HS3ST5: variants seen among roughly 807,000 people sequenced by gnomAD.
HS3ST5 encodes heparan sulfate-glucosamine 3-sulfotransferase 5.
HS3ST5 carries 10 observed loss-of-function variants against 25.4 expected under a neutral mutation model. That is an observed-to-expected ratio of 0.39 (90% CI 0.24 to 0.67). The LOEUF is 0.67. Ranked by LOEUF, HS3ST5 falls within the 30% of genes least tolerant of loss-of-function variation. HS3ST5 has a pLI of 0.44. For synonymous variants in HS3ST5, 170 were observed against 162.4 expected (o/e 1.05, Z -0.36); for missense variants, 324 against 420.7 (o/e 0.77, Z 2.01).
chr6:114,321,852 A>C (rs1049470410), intron 1 of HS3ST5, among the ~76,000 whole-genome samples: 24 of 152,132 alleles, frequency 1.6e-4, no homozygotes, highest in African/African-American at 5.1e-4. Flanking sequence ...GGTAAAGAAA[A>C]AACAGGCTAG....
At chr6:114,150,795 A>G (rs1168871689) in intron 3 of HS3ST5, among the ~76,000 whole-genome samples, 4 of 152,242 alleles carry the variant, frequency 2.6e-5, no homozygotes, top group Admixed American at 6.5e-5. Flanking sequence ...ATATTTATTT[A>G]TTCACTGCAA....
At chr6:114,141,789 G>A (rs922462253) in intron 3 of HS3ST5, among the ~76,000 whole-genome samples, 3 of 151,890 alleles carry the variant, frequency 2.0e-5, no homozygotes, top group African/African-American at 7.3e-5. Context: ...ACAGACATGG[G>A]CTTGGGACTG....
intron 3 of HS3ST5, among the ~76,000 whole-genome samples, chr6:114,098,670 C>T (rs567217207): frequency 6.6e-6 from 1 of 151,320 alleles, no homozygotes; most frequent in South Asian, 2.1e-4. Context: ...CTATATAAAC[C>T]GTAAGAAGAA....
chr6:114,207,982 C>T (rs1001560624), intron 2 of HS3ST5, among the ~76,000 whole-genome samples: 1 of 152,120 alleles, frequency 6.6e-6, no homozygotes, highest in Non-Finnish European at 1.5e-5. Context: ...CCATGTCTTA[C>T]TACAGTATAG....
At chr6:114,108,561 A>C (rs1002060628) in intron 3 of HS3ST5, among the ~76,000 whole-genome samples, 2 of 152,068 alleles carry the variant, frequency 1.3e-5, no homozygotes, top group African/African-American at 2.4e-5. Context: ...CTCTGGTAAT[A>C]TCTCTCCGGC....
At chr6:114,332,183 G>A (rs1042991032) in intron 1 of HS3ST5, among the ~76,000 whole-genome samples, 1 of 152,124 alleles carries the variant, frequency 6.6e-6, no homozygotes, top group African/African-American at 2.4e-5. Context: ...TTGACAGATG[G>A]ATGCTTACTT....
intron 3 of HS3ST5, among the ~76,000 whole-genome samples, chr6:114,137,146 C>T (rs1017243350): frequency 2.0e-5 from 3 of 152,074 alleles, no homozygotes; most frequent in African/African-American, 7.2e-5. Context: ...AAAGTGGAAA[C>T]CTGAGAATTA....
rs17076011 is a variant in HS3ST5 at position 114,275,430 on chromosome 6, T to G, written c.-338-46652A>C. 5.3e-4 allele frequency among the ~76,000 whole-genome samples: 81 copies of G among 152,056 alleles called. No homozygotes were observed. The East Asian group carries it at 0.014, about 26-fold the overall frequency. ...TTAACACCTTCTTGTATATATTTTATGCTTACAATACATACAGAAACTGTG... is the reference window on the plus strand; with the variant it reads ...TTAACACCTTCTTGTATATATTTTAGGCTTACAATACATACAGAAACTGTG... On this transcript the variant is annotated intron_variant, in intron 1 of 4. Coordinates refer to ENST00000312719, the MANE Select transcript of HS3ST5 (RefSeq NM_153612.4).
At chr6:114,141,278 A>C (rs896629177) in intron 3 of HS3ST5, among the ~76,000 whole-genome samples, 1 of 152,236 alleles carries the variant, frequency 6.6e-6, no homozygotes, top group Non-Finnish European at 1.5e-5. Context: ...TGGATGGCTA[A>C]AAACAGTCCA....
chr6:114,337,831 C>T lies in HS3ST5; in HGVS notation c.-339+4364G>A, dbSNP rs113163574. ...AGAGTAGACTACCTGGACTCAAATG[C>T]CAATTCTGCCATATAGTAGCTGCAG... On this transcript the variant is annotated intron_variant, in intron 1 of 4. Coordinates refer to ENST00000312719, the MANE Select transcript of HS3ST5 (RefSeq NM_153612.4). Among the ~76,000 whole-genome samples the T allele has an allele frequency of 1.7e-3, 259 of 152,188 alleles. 2 individuals are homozygous for T. Among genetic ancestry groups the T allele is most frequent in the African/African-American group, 6.1e-3 (252 of 41,548 alleles).
intron 1 of HS3ST5, among the ~76,000 whole-genome samples, chr6:114,264,442 C>T (rs371911040): frequency 6.6e-6 from 1 of 152,166 alleles, no homozygotes; most frequent in East Asian, 1.9e-4. Flanking sequence ...GAGCAAATTT[C>T]TTCAACATTC....
chr6:114,097,707 A>AG (rs1236899223), intron 3 of HS3ST5, among the ~76,000 whole-genome samples: 2 of 36,324 alleles, frequency 5.5e-5, no homozygotes, highest in Non-Finnish European at 1.5e-4. Flanking sequence ...GGGAATGAGA[A>AG]AAGAAGGTAA....
chr6:114,086,241 T>A (rs978191881), intron 3 of HS3ST5, among the ~76,000 whole-genome samples: 2 of 152,166 alleles, frequency 1.3e-5, no homozygotes, highest in Non-Finnish European at 1.5e-5. Context: ...GATAGGGAGA[T>A]CACTCAGGTG....
chr6:114,114,057 C>T (rs1035665577), intron 3 of HS3ST5, among the ~76,000 whole-genome samples: 26 of 152,016 alleles, frequency 1.7e-4, no homozygotes, highest in African/African-American at 6.3e-4. Context: ...AATTTTTGTT[C>T]TGCCATTACA....
chr6:114,131,439 A>G (rs755323125), intron 3 of HS3ST5, among the ~76,000 whole-genome samples: 2 of 152,192 alleles, frequency 1.3e-5, no homozygotes, highest in Non-Finnish European at 2.9e-5. Flanking sequence ...CCTCCTTTTG[A>G]CAATAGTTTT....
intron 1 of HS3ST5, among the ~76,000 whole-genome samples, chr6:114,279,816 T>C (rs1454622563): frequency 1.3e-5 from 2 of 151,988 alleles, no homozygotes; most frequent in African/African-American, 4.8e-5. Flanking sequence ...CCAAACAGTG[T>C]GCTCATTCAT....
chr6:114,244,263 C>T (rs1016392719), intron 1 of HS3ST5, among the ~76,000 whole-genome samples: 1 of 152,050 alleles, frequency 6.6e-6, no homozygotes, highest in Non-Finnish European at 1.5e-5. Context: ...GTTTGTGGAT[C>T]GCAGCTTTAT....
intron 1 of HS3ST5, among the ~76,000 whole-genome samples, chr6:114,254,480 T>C (rs1772810602): frequency 6.6e-6 from 1 of 152,174 alleles, no homozygotes; most frequent in Non-Finnish European, 1.5e-5. Context: ...TTGAGTAGGG[T>C]AGCAGACCTT....
intron 2 of HS3ST5, among the ~76,000 whole-genome samples, chr6:114,194,615 C>T (rs1780653778): frequency 6.6e-6 from 1 of 152,150 alleles, no homozygotes; most frequent in Admixed American, 6.6e-5. Flanking sequence ...GTGGTTCAGG[C>T]TAGTCTGTGG....
Sources: gnomAD v4.1 joint callset for allele counts (sites outside exome capture counted in the v4.1 genomes callset) on GRCh38, gnomAD v4.1.1 for gene constraint, MANE v1.5 for transcripts, NCBI Gene and HGNC (gene_info 2026-07-23, HGNC 2026-07-21) for gene names.